PITPNB: variants seen among roughly 807,000 people sequenced by gnomAD.
PITPNB encodes the protein phosphatidylinositol transfer protein beta isoform.
A neutral mutation model predicts 45.9 loss-of-function variants in PITPNB; 16 were observed. The observed-to-expected ratio is 0.35, with a 90% CI of 0.24 to 0.53. The LOEUF is 0.53. PITPNB is among the 20% of genes least tolerant of loss of function. The probability of loss-of-function intolerance (pLI) is 0.93; values close to 1 mark genes in which losing one functional copy is unlikely to be tolerated. For synonymous variants in PITPNB, 112 were observed against 108.9 expected (o/e 1.03, Z -0.18); for missense variants, 188 against 330.5 (o/e 0.57, Z 3.34).
Position 27,893,307 on chromosome 22 carries a change from C to T in PITPNB, c.456+1248G>A, listed in dbSNP as rs5997322. 8.1e-3 allele frequency among the ~76,000 whole-genome samples: 1,185 copies of T among 146,464 alleles called. 17 individuals carry two copies. Among genetic ancestry groups the T allele is most frequent in the African/African-American group, 0.029 (1,133 of 39,472 alleles). ...TTTTCCTTTTTTTTTTTTTTTGAGA[C>T]GGAGTCTCGCTCTGTTGTCCAGGCT... On this transcript the variant is annotated intron_variant, in intron 7 of 11. Transcript: ENST00000335272.
chr22:27,864,577 A>G (rs1040672321), intron 8 of PITPNB, among the ~76,000 whole-genome samples: 1 of 152,202 alleles, frequency 6.6e-6, no homozygotes, highest in African/African-American at 2.4e-5. Context: ...AATACCCACT[A>G]CAGGAGACAG....
At chr22:27,874,435 G>A (rs1934759279) in intron 7 of PITPNB, among the ~76,000 whole-genome samples, 1 of 152,188 alleles carries the variant, frequency 6.6e-6, no homozygotes, top group African/African-American at 2.4e-5. Context: ...GTCAAAGGAG[G>A]CGAAGGAGGG....
chr22:27,864,349 T>A (rs1934419976), intron 8 of PITPNB, among the ~76,000 whole-genome samples: 1 of 152,200 alleles, frequency 6.6e-6, no homozygotes, highest in South Asian at 2.1e-4. Flanking sequence ...TGTCTGAATG[T>A]CGTACATTAA....
At chr22:27,884,985 T>C (rs1473337258) in intron 7 of PITPNB, among the ~76,000 whole-genome samples, 1 of 151,132 alleles carries the variant, frequency 6.6e-6, no homozygotes, top group Non-Finnish European at 1.5e-5. Context: ...TACATAAATA[T>C]CTAAAAATGT....
In PITPNB at chr22:27,890,680, G is replaced by C. The variant is rs573896010; in HGVS notation, c.456+3875C>G. Reference sequence around the variant, plus strand: ...ATACAAAAAATTAGCTGGGCATGGTGGTGGGCACCTGTAGTCCCAGCTACT... The same window carrying C: ...ATACAAAAAATTAGCTGGGCATGGTCGTGGGCACCTGTAGTCCCAGCTACT... On this transcript the variant is annotated intron_variant, in intron 7 of 11. Coordinates refer to ENST00000335272, the MANE Select transcript of PITPNB (RefSeq NM_012399.5). Among the ~76,000 whole-genome samples the C allele has an allele frequency of 2.6e-5, 4 of 152,316 alleles. 1 individual carries two copies. The South Asian group carries it at 8.3e-4, about 32-fold the overall frequency.
chr22:27,883,737 C>T (rs764250532), intron 7 of PITPNB, among the ~76,000 whole-genome samples: 15 of 152,220 alleles, frequency 9.9e-5, no homozygotes, highest in Non-Finnish European at 1.5e-4. Context: ...AAAAGAACCA[C>T]CTCTTAACTT....
chr22:27,854,831 T>A, intron 11 of PITPNB, 23 bp downstream of exon 11: 1 of 1,512,908 alleles, frequency 6.6e-7, no homozygotes, highest in Non-Finnish European at 9.2e-7. Flanking sequence ...TCGAAACATC[T>A]TTTTACCCAG....
chr22:27,903,796 A>AC (rs1284301048), intron 3 of PITPNB, among the ~76,000 whole-genome samples: 1 of 151,038 alleles, frequency 6.6e-6, no homozygotes, highest in African/African-American at 2.4e-5. Context: ...AAAAAAAAAA[A>AC]ACTAAAAAGA....
intron 7 of PITPNB, among the ~76,000 whole-genome samples, chr22:27,879,538 T>C (rs1601397653): frequency 6.6e-6 from 1 of 152,120 alleles, no homozygotes; most frequent in Admixed American, 6.5e-5. Context: ...ATATAGAATA[T>C]ATTTATTATT....
intron 3 of PITPNB, 31 bp from the exon 4 acceptor site, chr22:27,897,923 A>T: frequency 7.1e-7 from 1 of 1,399,336 alleles, no homozygotes; most frequent in Non-Finnish European, 1.0e-6. Context: ...GATATATTTA[A>T]CAGCACCATC....
At chr22:27,884,518 G>A (rs1935062019) in intron 7 of PITPNB, among the ~76,000 whole-genome samples, 1 of 152,124 alleles carries the variant, frequency 6.6e-6, no homozygotes, top group South Asian at 2.1e-4. Flanking sequence ...AACGAATATG[G>A]CACACGAGTT....
At chr22:27,896,850 A>G (rs1183080414) in intron 5 of PITPNB, 3 of 605,724 alleles carry the variant, frequency 5.0e-6, no homozygotes, top group African/African-American at 1.9e-5. Flanking sequence ...GCCACGTGGC[A>G]TATCGGGCTA....
At chr22:27,864,814 T>C (rs1024587451) in intron 8 of PITPNB, among the ~76,000 whole-genome samples, 2 of 152,026 alleles carry the variant, frequency 1.3e-5, no homozygotes, top group Non-Finnish European at 2.9e-5. Flanking sequence ...GGCGGGTGCC[T>C]ATAATCCCAG....
chr22:27,897,701 A>C, intron 4 of PITPNB, 100 bp downstream of exon 4: 1 of 799,538 alleles, frequency 1.3e-6, no homozygotes, highest in South Asian at 1.4e-5. Flanking sequence ...AACCCAAGGA[A>C]GACCTTGCTC....
At chr22:27,878,348 C>T (rs1036711656) in intron 7 of PITPNB, among the ~76,000 whole-genome samples, 2 of 151,922 alleles carry the variant, frequency 1.3e-5, no homozygotes, top group East Asian at 1.9e-4. Context: ...AAAATTCAAG[C>T]GAGACTCCAA....
At chr22:27,881,571 CG>C (rs1934973431) in intron 7 of PITPNB, among the ~76,000 whole-genome samples, 1 of 152,172 alleles carries the variant, frequency 6.6e-6, no homozygotes, top group Non-Finnish European at 1.5e-5. Flanking sequence ...ACCATAGGCC[CG>C]GCTAGGACTG....
At chr22:27,917,611 T>C (rs777061671) in intron 1 of PITPNB, among the ~76,000 whole-genome samples, 2 of 152,202 alleles carry the variant, frequency 1.3e-5, no homozygotes, top group African/African-American at 2.4e-5. Context: ...GCAAAATGTC[T>C]CTTCTCAAAA....
intron 11 of PITPNB, 42 bp downstream of exon 11, chr22:27,854,812 G>T: frequency 3.2e-6 from 4 of 1,231,550 alleles, no homozygotes; most frequent in Non-Finnish European, 3.6e-6. Context: ...CACCAAAAAG[G>T]TACAGGTTTC....
chr22:27,854,498 A>G (rs1238204711), intron 11 of PITPNB, among the ~76,000 whole-genome samples: 2 of 152,290 alleles, frequency 1.3e-5, no homozygotes, highest in Admixed American at 6.5e-5. Flanking sequence ...GTGATTTTGC[A>G]TATTTCCTTA....
Sources: allele counts gnomAD v4.1 joint callset (sites outside exome capture counted in the v4.1 genomes callset), GRCh38; gene constraint gnomAD v4.1.1; transcripts MANE v1.5; gene names NCBI Gene and HGNC (gene_info 2026-07-23, HGNC 2026-07-21).